JDP2: variants seen among roughly 807,000 people sequenced by gnomAD.
JDP2 encodes the protein Jun dimerization protein 2.
A neutral mutation model predicts 17.1 loss-of-function variants in JDP2; 9 were observed. The ratio of observed to expected loss-of-function variants is 0.53; its 90% CI spans 0.32 to 0.92. JDP2 has a LOEUF of 0.92. Ranked by LOEUF, JDP2 falls within the 40% of genes least tolerant of loss-of-function variation. The pLI, the probability that JDP2 is intolerant of heterozygous loss-of-function variation, is 0.04. For synonymous variants in JDP2, 107 were observed against 95.6 expected, an observed-to-expected ratio of 1.12 and a Z score of -0.69; for missense variants, 179 against 220.0, an observed-to-expected ratio of 0.81 and a Z score of 1.18.
chr14:75,434,024 G>A (rs1026346423), intron 1 of JDP2, among the ~76,000 whole-genome samples: 2 of 152,016 alleles, frequency 1.3e-5, no homozygotes, highest in Admixed American at 6.6e-5. Flanking sequence ...AATTGTTTCC[G>A]TATGGAACAA....
intron 2 of JDP2, among the ~76,000 whole-genome samples, chr14:75,443,906 T>C (rs953048215): frequency 4.5e-5 from 5 of 110,360 alleles, no homozygotes; most frequent in African/African-American, 2.4e-4. Flanking sequence ...AGTGTTGTTA[T>C]GAATTTTTTT....
chr14:75,457,108 T>A (rs1478705366), intron 2 of JDP2, among the ~76,000 whole-genome samples: 1 of 152,236 alleles, frequency 6.6e-6, no homozygotes, highest in African/African-American at 2.4e-5. Flanking sequence ...TCTTTAAATG[T>A]ATTGAGCGTC....
intron 1 of JDP2, among the ~76,000 whole-genome samples, chr14:75,434,141 G>T (rs373387439): frequency 1.1e-4 from 16 of 152,060 alleles, no homozygotes; most frequent in East Asian, 1.9e-4. Flanking sequence ...CACCTCCACT[G>T]CCCCCCACTC....
chr14:75,444,455 G>A (rs949459558), intron 2 of JDP2, among the ~76,000 whole-genome samples: 2 of 152,194 alleles, frequency 1.3e-5, no homozygotes, highest in Non-Finnish European at 2.9e-5. Context: ...CTAACCAGAG[G>A]GGCTACTTCT....
At position 75,438,869 on chromosome 14, in the gene JDP2, G is replaced by A. The variant is rs190120874; in HGVS notation, c.201+748G>A. ...GATCTGTGCAGGGCATGCCCCCGGC[G>A]ACTTGCCCAGGGCTGGCCGTTTCTC... On this transcript the variant is annotated intron_variant, in intron 2 of 3. Transcript: ENST00000651602. Among the ~76,000 whole-genome samples the A allele has an allele frequency of 3.6e-3, 546 of 152,390 alleles. 13 individuals are homozygous for A. The highest frequency in any genetic ancestry group is 8.2e-4 in the Non-Finnish European group (56 of 68,046).
intron 1 of JDP2, among the ~76,000 whole-genome samples, chr14:75,434,707 G>T (rs1884982053): frequency 6.6e-6 from 1 of 152,102 alleles, no homozygotes; most frequent in African/African-American, 2.4e-5. Context: ...ACAGAATGGG[G>T]TCTGGCTTCC....
rs903886856 is a variant in JDP2 at position 75,438,057 on chromosome 14, T to G, written c.137T>G (p.Met46Arg). Residue 46 changes from methionine to arginine, a missense_variant, in exon 2 of 4, where the codon ATG becomes AGG. By Grantham distance (91) the Met-to-Arg change is moderately conservative. Transcript: ENST00000651602. ...GCTGACATCCGCAACCTCGGGGCCA[T>G]GATTGCACCCTTGCACTTCCTGGAG... ...KYADIRNLGAMIAPLHFLEVK... is the reference protein window; with the variant it reads ...KYADIRNLGARIAPLHFLEVK... 6.2e-7 allele frequency: 1 copy of G among 1,613,994 alleles called. No homozygotes were observed. Among genetic ancestry groups the G allele is most frequent in the Admixed American group, 1.7e-5 (1 of 60,000 alleles).
chr14:75,440,466 A>C (rs1293552365), intron 2 of JDP2, among the ~76,000 whole-genome samples: 1 of 152,202 alleles, frequency 6.6e-6, no homozygotes, highest in Non-Finnish European at 1.5e-5. Context: ...CCTTGAGCGG[A>C]TTTTCATATT....
chr14:75,431,657 G>C (rs554449274), intron 1 of JDP2, among the ~76,000 whole-genome samples: 185 of 152,362 alleles, frequency 1.2e-3, no homozygotes, highest in African/African-American at 4.0e-3. Context: ...CCCTGACCTG[G>C]CACCCTTTGT....
At position 75,428,354 on chromosome 14, in the gene JDP2, G is replaced by A. The variant is rs1272487774; in HGVS notation, c.-24+102G>A. On this transcript the variant is annotated intron_variant, in intron 1 of 3. Transcript: ENST00000651602. This position sits in a 1 kb window ranked among gnomAD's most constrained non-coding sequence, Gnocchi z 5.6. ...CCGCCCCCGCACGGGCGGAGCGCGA[G>A]GAGCCCCAGCCCAGCCCCGCGGGGA... The A allele has an allele frequency of 6.7e-6, 1 of 149,666 alleles. No homozygotes were observed. The highest frequency in any genetic ancestry group is 1.5e-5 in the Non-Finnish European group (1 of 67,156). 9.3% of individuals were successfully genotyped at this position (149,666 alleles called of 1,614,324 possible). A position where few individuals can be genotyped will look rare whatever the true frequency, so the allele number is the denominator to read the frequency against.
At chr14:75,452,434 C>T (rs1885905158) in intron 2 of JDP2, among the ~76,000 whole-genome samples, 1 of 152,098 alleles carries the variant, frequency 6.6e-6, no homozygotes, top group African/African-American at 2.4e-5. Flanking sequence ...GGAGAGGTGA[C>T]CTGATTGACT....
At chr14:75,464,211 C>G (rs1377927877) in intron 3 of JDP2, among the ~76,000 whole-genome samples, 1 of 152,146 alleles carries the variant, frequency 6.6e-6, no homozygotes, top group Non-Finnish European at 1.5e-5. Context: ...GCCTGCAGAC[C>G]TGGGGGATTC....
chr14:75,447,871 T>A (rs1231445975), intron 2 of JDP2, among the ~76,000 whole-genome samples: 2 of 152,180 alleles, frequency 1.3e-5, no homozygotes, highest in East Asian at 3.8e-4. Context: ...TTGCCCAGGC[T>A]GGTCTCGAAC....
At chr14:75,456,309 G>T (rs1189396492) in intron 2 of JDP2, among the ~76,000 whole-genome samples, 6 of 152,200 alleles carry the variant, frequency 3.9e-5, no homozygotes, top group Non-Finnish European at 8.8e-5. Context: ...CTGTGGCACT[G>T]CCTCTGTGTC....
intron 2 of JDP2, chr14:75,445,482 C>CT: frequency 1.0e-6 from 1 of 985,466 alleles, no homozygotes; most frequent in African/African-American, 1.7e-5. Flanking sequence ...ACCCTACCAA[C>CT]TCCCCAGTCC....
intron 3 of JDP2, among the ~76,000 whole-genome samples, chr14:75,464,605 C>T (rs1452262680): frequency 6.6e-6 from 1 of 152,152 alleles, no homozygotes; most frequent in Non-Finnish European, 1.5e-5. Context: ...CTCGGGGAGT[C>T]CTGGGACCAG....
At chr14:75,467,382 C>T (rs1468397275) in intron 3 of JDP2, among the ~76,000 whole-genome samples, 3 of 152,214 alleles carry the variant, frequency 2.0e-5, no homozygotes, top group South Asian at 4.1e-4. Context: ...GTTGGTCACA[C>T]AGTAGTAAGC....
intron 1 of JDP2, among the ~76,000 whole-genome samples, chr14:75,434,999 G>A (rs1370226817): frequency 1.3e-5 from 2 of 152,190 alleles, no homozygotes; most frequent in African/African-American, 2.4e-5. Context: ...GGGGTCACCC[G>A]GGCAACAACC....
At chr14:75,434,197 T>G (rs1018477744) in intron 1 of JDP2, among the ~76,000 whole-genome samples, 1 of 152,214 alleles carries the variant, frequency 6.6e-6, no homozygotes, top group African/African-American at 2.4e-5. Flanking sequence ...GTTTTATTTT[T>G]CAAATCACTA....
Sources: gnomAD v4.1 joint callset for allele counts (sites outside exome capture counted in the v4.1 genomes callset) on GRCh38, gnomAD v4.1.1 for gene constraint, Gnocchi (gnomAD v3.1) non-coding constraint, MANE v1.5 for transcripts, NCBI Gene and HGNC (gene_info 2026-07-23, HGNC 2026-07-21) for gene names.